Variants in DIS3L observed in about 807,000 individuals in gnomAD.
DIS3L encodes DIS3 like exosome 3'-5' exoribonuclease, also known as DIS3-like exonuclease 1.
Under a neutral mutation model 120.3 loss-of-function variants are expected in DIS3L, and 100 were observed. The observed-to-expected ratio is 0.83, with a 90% CI of 0.71 to 0.98. The LOEUF (loss-of-function observed/expected upper bound fraction) is 0.98, where lower values mean the gene tolerates loss of function less well. Ranked by LOEUF, DIS3L falls within the 50% of genes least tolerant of loss-of-function variation. DIS3L has a pLI of 0.00. For missense variants in DIS3L, 1,196 were observed against 1,314.2 expected (o/e 0.91, Z 1.39); for synonymous variants, 426 against 470.6 (o/e 0.91, Z 1.23).
intron 5 of DIS3L, 114 bp from the exon 6 acceptor site, chr15:66,313,925 C>A: frequency 4.1e-6 from 3 of 724,318 alleles, no homozygotes; most frequent in East Asian, 6.5e-5. Flanking sequence ...GATCACAAAC[C>A]TTAAAAGAAT....
rs891265117 is a variant in DIS3L at position 66,311,598 on chromosome 15, C to G, written c.559-126C>G. 7 of 1,075,628 alleles carry G rather than the reference C, an allele frequency of 6.5e-6. No individual in the cohort carries two copies. The South Asian group carries it at 9.4e-5, about 14-fold the overall frequency. 66.6% of individuals were successfully genotyped at this position (1,075,628 alleles called of 1,614,324 possible). A position where few individuals can be genotyped will look rare whatever the true frequency, so the allele number is the denominator to read the frequency against. On this transcript the variant is annotated intron_variant, in intron 4 of 16. Transcript: ENST00000319212. Reference sequence around the variant, plus strand: ...AATGGTGGAGTGAGGCTCAGGAAGTCCTGCTCACTGAGCACCCCCTCAAGA... The same window carrying G: ...AATGGTGGAGTGAGGCTCAGGAAGTGCTGCTCACTGAGCACCCCCTCAAGA...
chr15:66,323,868 G>A (rs1010262277), intron 11 of DIS3L, among the ~76,000 whole-genome samples: 7 of 152,188 alleles, frequency 4.6e-5, no homozygotes, highest in African/African-American at 7.2e-5. Flanking sequence ...GCTAAAATCT[G>A]AGAACAAATG....
intron 2 of DIS3L, among the ~76,000 whole-genome samples, chr15:66,296,051 A>G (rs1214769730): frequency 6.6e-6 from 1 of 152,204 alleles, no homozygotes. Context: ...CAGATAGAAT[A>G]TTTTTAAATG....
rs140997780 is a variant in DIS3L at position 66,312,359 on chromosome 15, G to A, written c.735+459G>A. On this transcript the variant is annotated intron_variant, in intron 5 of 16. Transcript: ENST00000319212. ...GTTGTCAGTGTTTCAGGTGGCTTGGGAGTCATTCTTTCCAGACACTGATTG... is the reference window on the plus strand; with the variant it reads ...GTTGTCAGTGTTTCAGGTGGCTTGGAAGTCATTCTTTCCAGACACTGATTG... 5.3e-4 allele frequency among the ~76,000 whole-genome samples: 80 copies of A among 152,242 alleles called. 1 individual carries two copies. The highest frequency in any genetic ancestry group is 2.7e-3 in the East Asian group (14 of 5,180).
chr15:66,308,206 C>G (rs1413957941), intron 3 of DIS3L, among the ~76,000 whole-genome samples: 1 of 152,166 alleles, frequency 6.6e-6, no homozygotes, highest in East Asian at 1.9e-4. Context: ...CACAGTTCTC[C>G]AGACCTGTTT....
intron 1 of DIS3L, 99 bp downstream of exon 1, chr15:66,293,834 C>T (rs2092551550): frequency 9.7e-7 from 1 of 1,034,140 alleles, no homozygotes; most frequent in African/African-American, 1.7e-5. Context: ...GCGGCGGGGA[C>T]ACGGAGGCGT....
chr15:66,304,105 A>AC (rs2092678074), intron 2 of DIS3L, among the ~76,000 whole-genome samples: 1 of 149,086 alleles, frequency 6.7e-6, no homozygotes, highest in African/African-American at 2.5e-5. Context: ...AAAAAAAAAA[A>AC]AAAAAAACAA....
chr15:66,323,530 A>C lies in DIS3L; in HGVS notation c.1612A>C (p.Met538Leu), dbSNP rs200501486. Residue 538 changes from methionine (M) to leucine (L), a missense_variant, in exon 11 of 17, where the codon ATG becomes CTG. Coordinates refer to ENST00000319212, the MANE Select transcript of DIS3L (RefSeq NM_001143688.3). The stretch of plus-strand genomic sequence containing the variant: ...TTATCTAGCAGATCGTCGCTATGAC[A>C]TGCTGCCTTCCGTCCTCAGTGCAGA... ...TYYLADRRYD[M>L]LPSVLSADLC... 2.5e-5 allele frequency: 40 copies of C among 1,614,150 alleles called. No homozygotes were observed. The highest frequency in any genetic ancestry group is 2.7e-5 in the Non-Finnish European group (32 of 1,180,056).
chr15:66,305,102 G>A (rs145493785), intron 2 of DIS3L, among the ~76,000 whole-genome samples: 3,727 of 141,986 alleles, frequency 0.026, 65 homozygotes, highest in Middle Eastern at 0.077. Flanking sequence ...CAGGGTTCAC[G>A]CCCATCTCCT....
intron 4 of DIS3L, 49 bp downstream of exon 4, chr15:66,308,893 C>T (rs2092727732): frequency 1.3e-6 from 2 of 1,562,448 alleles, no homozygotes; most frequent in Non-Finnish European, 1.7e-6. Flanking sequence ...CTAAGTAGTA[C>T]CCATAAGGCT....
In DIS3L at chr15:66,320,655, A is replaced by C. The variant is rs548085150; in HGVS notation, c.1249A>C (p.Ile417Leu). 1 of 1,614,186 alleles carries C rather than the reference A, an allele frequency of 6.2e-7. No individual in the cohort carries two copies. Among genetic ancestry groups the C allele is most frequent in the East Asian group, 2.2e-5 (1 of 44,874 alleles). ...ACATTTTGTGCGTGTTTTAGGAAGAATCGGAGATCTGGAAGGGGAAATTGC... is the reference window on the plus strand; with the variant it reads ...ACATTTTGTGCGTGTTTTAGGAAGACTCGGAGATCTGGAAGGGGAAATTGC... Reference protein sequence around the residue: ...NGHFVRVLGRIGDLEGEIATI... With the variant: ...NGHFVRVLGRLGDLEGEIATI... The change falls in exon 9 of 17, where the codon ATC becomes CTC. Residue 417 changes from isoleucine to leucine, a missense_variant. Physicochemically the swap from Ile to Leu is conservative, Grantham distance 5. Transcript: ENST00000319212.
intron 8 of DIS3L, among the ~76,000 whole-genome samples, chr15:66,319,236 C>T (rs1292889259): frequency 1.3e-5 from 2 of 152,172 alleles, no homozygotes; most frequent in Non-Finnish European, 2.9e-5. Flanking sequence ...CTGTGCCCAG[C>T]CCCAAGATTC....
intron 15 of DIS3L, among the ~76,000 whole-genome samples, chr15:66,332,502 GTGTGTGTGTGTGTA>G (rs1233588895): frequency 5.9e-5 from 8 of 135,026 alleles, no homozygotes; most frequent in South Asian, 2.5e-4. Context: ...GTGTGTGTGT[GTGTGTGTGTGTGTA>G]TATATATACA....
chr15:66,293,770 C>T, intron 1 of DIS3L, 35 bp downstream of exon 1: 14 of 1,153,430 alleles, frequency 1.2e-5, no homozygotes, highest in Non-Finnish European at 1.2e-5. Context: ...ACGGGGCCGG[C>T]GGGAGCGGGC....
chr15:66,332,490 G>GTGTGTGTT (rs2093010090), intron 15 of DIS3L, among the ~76,000 whole-genome samples: 1 of 83,360 alleles, frequency 1.2e-5, no homozygotes, highest in South Asian at 4.1e-4. Context: ...ACTGGAGTGT[G>GTGTGTGTT]TGTGTGTGTG....
chr15:66,306,327 A>C (rs1238301868), intron 2 of DIS3L, among the ~76,000 whole-genome samples: 1 of 152,230 alleles, frequency 6.6e-6, no homozygotes, highest in Admixed American at 6.5e-5. Context: ...GGGTGGCTGC[A>C]TAAATAAAAT....
In DIS3L at chr15:66,329,067, T is replaced by G. The variant is rs1300265920; in HGVS notation, c.2299T>G (p.Ser767Ala). 4 of 1,614,238 alleles carry G rather than the reference T, an allele frequency of 2.5e-6. No individual in the cohort carries two copies. Among genetic ancestry groups the G allele is most frequent in the South Asian group, 2.2e-5 (2 of 91,082 alleles). ...GCGCTCCATGGCCACGCAGGCCATG[T>G]CGAATGCTCTGTACTTCTCCACCGG... ...LLRSMATQAM[S>A]NALYFSTGSC... Residue 767 changes from serine to alanine, a missense_variant, in exon 13 of 17, where the codon TCG becomes GCG. By Grantham distance (99) the Ser-to-Ala change is moderately conservative (BLOSUM62 1). Transcript: ENST00000319212.
chr15:66,294,281 G>A (rs2092560099), intron 1 of DIS3L: 1 of 985,470 alleles, frequency 1.0e-6, no homozygotes, highest in Non-Finnish European at 1.2e-6. Flanking sequence ...GGAAGGTCAC[G>A]GGGAAGTTGG....
intron 11 of DIS3L, among the ~76,000 whole-genome samples, chr15:66,324,951 T>C (rs905901831): frequency 6.6e-6 from 1 of 151,984 alleles, no homozygotes; most frequent in African/African-American, 2.4e-5. Flanking sequence ...TGGCAAAGAG[T>C]TTTTTTACTA....
Sources: gnomAD v4.1 joint callset for allele counts (sites outside exome capture counted in the v4.1 genomes callset) on GRCh38, gnomAD v4.1.1 for gene constraint, MANE v1.5 for transcripts, NCBI Gene and HGNC (gene_info 2026-07-23, HGNC 2026-07-21) for gene names.